ZNF385D: variants seen among roughly 807,000 people sequenced by gnomAD.
The protein encoded by ZNF385D is zinc finger protein 385D.
Under a neutral mutation model 35.8 loss-of-function variants are expected in ZNF385D, and 15 were observed. The observed-to-expected ratio is 0.42, with a 90% CI of 0.28 to 0.64. The LOEUF is 0.64. Among genes scored for constraint, ZNF385D ranks in the 30% least tolerant of loss-of-function variants. ZNF385D has a pLI of 0.23. For synonymous variants in ZNF385D, 212 were observed against 186.8 expected, an observed-to-expected ratio of 1.13 and a Z score of -1.10; for missense variants, 474 against 494.6, an observed-to-expected ratio of 0.96 and a Z score of 0.39.
In ZNF385D at chr3:22,112,030, T is replaced by C. The variant is rs554119205; in HGVS notation, c.325+56787A>G. On this transcript the variant is annotated intron_variant, in intron 3 of 5. Transcript: ENST00000494108. ...AATCAGACATTTTACCCTGCTCTACTCTAATCTTAAAGGACCACAACAAAA... is the reference window on the plus strand; with the variant it reads ...AATCAGACATTTTACCCTGCTCTACCCTAATCTTAAAGGACCACAACAAAA... Among the ~76,000 whole-genome samples the C allele has an allele frequency of 1.2e-4, 19 of 152,268 alleles. No individual in the cohort carries two copies. In the South Asian group the frequency reaches 3.7e-3, roughly 30 times the overall value.
At chr3:21,715,600 T>C (rs1042527464) in intron 1 of ZNF385D, among the ~76,000 whole-genome samples, 1 of 152,260 alleles carries the variant, frequency 6.6e-6, no homozygotes, top group Non-Finnish European at 1.5e-5. Context: ...GATTTTTTTT[T>C]CCTTTGAGTA....
chr3:21,593,021 C>T (rs188788234), intron 2 of ZNF385D, among the ~76,000 whole-genome samples: 1 of 152,244 alleles, frequency 6.6e-6, no homozygotes, highest in East Asian at 1.9e-4. Flanking sequence ...CAGATCCTTG[C>T]GTGACCTCAG....
At chr3:22,354,992 T>C (rs1696083870) in intron 2 of ZNF385D, among the ~76,000 whole-genome samples, 1 of 152,060 alleles carries the variant, frequency 6.6e-6, no homozygotes, top group African/African-American at 2.4e-5. Flanking sequence ...AACAACATTG[T>C]TTGTACCCTT....
At chr3:21,856,034 G>A (rs1438222844) in intron 3 of ZNF385D, among the ~76,000 whole-genome samples, 1 of 152,008 alleles carries the variant, frequency 6.6e-6, no homozygotes, top group Non-Finnish European at 1.5e-5. Flanking sequence ...GTGTGTCTGT[G>A]TGTGTAACTT....
intron 2 of ZNF385D, among the ~76,000 whole-genome samples, chr3:21,567,806 A>G (rs1361164023): frequency 1.3e-5 from 2 of 152,192 alleles, no homozygotes; most frequent in East Asian, 1.9e-4. Flanking sequence ...CTGAGTTTTT[A>G]TCATATTTTG....
chr3:21,686,720 G>T (rs879772976), intron 1 of ZNF385D, among the ~76,000 whole-genome samples: 6 of 152,148 alleles, frequency 3.9e-5, no homozygotes, highest in Non-Finnish European at 5.9e-5. Context: ...AGTGGCTATT[G>T]TGTTTGTCAG....
chr3:22,044,821 G>C (rs1375729923), intron 3 of ZNF385D, among the ~76,000 whole-genome samples: 1 of 152,008 alleles, frequency 6.6e-6, no homozygotes, highest in Non-Finnish European at 1.5e-5. Context: ...CTAAATGTGA[G>C]AAATGGGAGG....
At chr3:21,995,474 C>A (rs1362249959) in intron 3 of ZNF385D, among the ~76,000 whole-genome samples, 1 of 152,086 alleles carries the variant, frequency 6.6e-6, no homozygotes, top group African/African-American at 2.4e-5. Context: ...GCTGACCCAT[C>A]TCCAGGCCCC....
chr3:21,450,050 T>G (rs1474979217), intron 4 of ZNF385D, among the ~76,000 whole-genome samples: 1 of 152,206 alleles, frequency 6.6e-6, no homozygotes, highest in Non-Finnish European at 1.5e-5. Context: ...GGACTTGGCC[T>G]GAGACCATGG....
chr3:22,117,802 A>G (rs938381574), intron 3 of ZNF385D, among the ~76,000 whole-genome samples: 1 of 152,054 alleles, frequency 6.6e-6, no homozygotes, highest in Admixed American at 6.6e-5. Context: ...TCACTTTTCT[A>G]TATTACAGCA....
intron 3 of ZNF385D, among the ~76,000 whole-genome samples, chr3:21,920,052 A>T (rs1277361035): frequency 6.6e-6 from 1 of 152,222 alleles, no homozygotes; most frequent in Non-Finnish European, 1.5e-5. Flanking sequence ...TGAGAGTCAA[A>T]TCTAGCCAAA....
intron 2 of ZNF385D, among the ~76,000 whole-genome samples, chr3:22,214,217 C>A (rs959238677): frequency 2.6e-5 from 4 of 152,106 alleles, no homozygotes; most frequent in Non-Finnish European, 5.9e-5. Context: ...GTGAAGATTT[C>A]ATGGACACTT....
At chr3:22,095,496 G>A (rs971722150) in intron 3 of ZNF385D, among the ~76,000 whole-genome samples, 1 of 151,876 alleles carries the variant, frequency 6.6e-6, no homozygotes, top group African/African-American at 2.4e-5. Flanking sequence ...ATGCTCTCAA[G>A]CTATTGATCT....
intron 3 of ZNF385D, among the ~76,000 whole-genome samples, chr3:22,107,094 G>A (rs1354756919): frequency 1.4e-5 from 2 of 146,256 alleles, no homozygotes; most frequent in South Asian, 2.2e-4. Flanking sequence ...GAGTGATCTT[G>A]GTTCACCACA....
At chr3:22,128,098 T>A (rs1703546647) in intron 3 of ZNF385D, among the ~76,000 whole-genome samples, 1 of 152,228 alleles carries the variant, frequency 6.6e-6, no homozygotes, top group South Asian at 2.1e-4. Flanking sequence ...AGCTTTTGTT[T>A]GTCTGGGAAG....
intron 3 of ZNF385D, among the ~76,000 whole-genome samples, chr3:22,019,034 C>CTTTT (rs11380195): frequency 0.016 from 1,003 of 64,416 alleles, 115 homozygotes; most frequent in African/African-American, 0.019. Context: ...AGTTATTTAC[C>CTTTT]TTTTTTTTTT....
At chr3:21,453,614 A>G (rs180993497) in intron 4 of ZNF385D, among the ~76,000 whole-genome samples, 3 of 152,078 alleles carry the variant, frequency 2.0e-5, no homozygotes, top group African/African-American at 7.2e-5. Flanking sequence ...ACATGAAAAG[A>G]TGCTCAACAT....
intron 3 of ZNF385D, among the ~76,000 whole-genome samples, chr3:21,835,189 A>G (rs2670264): frequency 0.89 from 135,291 of 151,750 alleles, 60,564 homozygotes; most frequent in African/African-American, 0.96. Context: ...ATCAAAAACC[A>G]AGAGATGCTC....
intron 3 of ZNF385D, among the ~76,000 whole-genome samples, chr3:21,846,540 C>A (rs1344385037): frequency 6.6e-6 from 1 of 151,990 alleles, no homozygotes; most frequent in Admixed American, 6.6e-5. Context: ...GTGAAGCAGT[C>A]TTTTCCTCCA....
Sources: allele counts gnomAD v4.1 joint callset (sites outside exome capture counted in the v4.1 genomes callset), GRCh38; gene constraint gnomAD v4.1.1; transcripts MANE v1.5; gene names NCBI Gene and HGNC (gene_info 2026-07-23, HGNC 2026-07-21).